The following UVRAG variants were observed in gnomAD, a reference collection of about 807,000 sequenced individuals.
The protein encoded by UVRAG is UV radiation resistance associated.
A neutral mutation model predicts 78.0 loss-of-function variants in UVRAG; 19 were observed. The ratio of observed to expected loss-of-function variants is 0.24; its 90% CI spans 0.17 to 0.36. The LOEUF is 0.36. Ranked by LOEUF, UVRAG falls within the 10% of genes least tolerant of loss-of-function variation. The pLI is 1.00. For missense variants in UVRAG, 740 were observed against 853.8 expected (o/e 0.87, Z 1.66); for synonymous variants, 323 against 324.6 (o/e 1.00, Z 0.05).
At chr11:75,878,919 GA>G (rs1946877804) in intron 3 of UVRAG, among the ~76,000 whole-genome samples, 4 of 89,120 alleles carry the variant, frequency 4.5e-5, no homozygotes, top group African/African-American at 1.1e-4. Context: ...GAGGGGGAGG[GA>G]GAGGGAGAGG....
chr11:75,930,310 T>A (rs1262812744), intron 6 of UVRAG, among the ~76,000 whole-genome samples: 1 of 152,270 alleles, frequency 6.6e-6, no homozygotes, highest in Non-Finnish European at 1.5e-5. Context: ...GAAAGTCTTT[T>A]ATACTTTTTT....
At position 75,974,351 on chromosome 11, in the gene UVRAG, CTTTTTTTTTTTTT is replaced by C. The variant is rs1188190094; in HGVS notation, c.700-9022_700-9010del. 2.7e-4 allele frequency among the ~76,000 whole-genome samples: 23 copies of C among 83,714 alleles called. No individual in the cohort carries two copies. The East Asian group carries it at 7.0e-3, about 25-fold the overall frequency. 54.9% of individuals were successfully genotyped at this position (83,714 alleles called of 152,430 possible). ...TGTCTGTTGGCTGCATAAATGTCTT[CTTTTTTTTTTTTT>C]TTTTTTTTTTTTTGAGACGGAGTCT... On this transcript the variant is annotated intron_variant, in intron 7 of 14. Transcript: ENST00000356136.
At chr11:75,861,899 C>G (rs537787234) in intron 3 of UVRAG, 119 bp downstream of exon 3, 7 of 787,472 alleles carry the variant, frequency 8.9e-6, no homozygotes, top group African/African-American at 1.7e-5. Context: ...AACGGATCTG[C>G]TCAATTGTTA....
chr11:76,004,227 A>T, intron 9 of UVRAG, 138 bp downstream of exon 9: 1 of 760,232 alleles, frequency 1.3e-6, no homozygotes, highest in Non-Finnish European at 2.2e-6. Context: ...TATTCAACAC[A>T]TATTCATTAA....
chr11:75,892,384 G>T (rs1947230588), intron 5 of UVRAG: 1 of 985,404 alleles, frequency 1.0e-6, no homozygotes, highest in East Asian at 1.1e-4. Context: ...TGGGAACATG[G>T]GAATGCAGAG....
At chr11:75,960,724 A>ACCACTGTACTCCAGCCTGGGCGACAG (rs1948894010) in intron 6 of UVRAG, among the ~76,000 whole-genome samples, 2 of 152,130 alleles carry the variant, frequency 1.3e-5, no homozygotes, top group African/African-American at 2.4e-5. Context: ...CCGTGATTGC[A>ACCACTGTACTCCAGCCTGGGCGACAG]CCACTGTACT....
chr11:76,039,917 C>G (rs1262735568), intron 12 of UVRAG, among the ~76,000 whole-genome samples: 1 of 151,994 alleles, frequency 6.6e-6, no homozygotes, highest in Non-Finnish European at 1.5e-5. Flanking sequence ...AGACCTTTAT[C>G]AAAGAAAAAT....
In UVRAG at chr11:75,839,847, C is replaced by CCA. The variant is rs1945870119; in HGVS notation, c.118-12031_118-12030dup. Among the ~76,000 whole-genome samples the CCA allele has an allele frequency of 6.5e-5, 9 of 138,302 alleles. No homozygotes were observed. In the South Asian group the frequency reaches 1.1e-3, roughly 17 times the overall value. 90.7% of individuals were successfully genotyped at this position (138,302 alleles called of 152,430 possible). A position where few individuals can be genotyped will look rare whatever the true frequency, so the allele number is the denominator to read the frequency against. On this transcript the variant is annotated intron_variant, in intron 1 of 14. Coordinates refer to ENST00000356136, the MANE Select transcript of UVRAG (RefSeq NM_003369.4). ...TGTGTATATATATATATACACACCCCCACACATATATATATAGAGAGAGAG... is the reference window on the plus strand; with the variant it reads ...TGTGTATATATATATATACACACCCCCACACACATATATATATAGAGAGAGAG...
chr11:76,064,833 A>C (rs955714078), intron 12 of UVRAG, among the ~76,000 whole-genome samples: 1 of 152,212 alleles, frequency 6.6e-6, no homozygotes, highest in Non-Finnish European at 1.5e-5. Flanking sequence ...AGATTATTTT[A>C]TTCTTGAGAA....
chr11:75,876,831 GTTTTTTTTTTATTTTTTATT>G (rs1211661520), intron 3 of UVRAG, among the ~76,000 whole-genome samples: 15 of 148,850 alleles, frequency 1.0e-4, no homozygotes, highest in Admixed American at 1.0e-3. Flanking sequence ...AAGCCCTTAT[GTTTTTTTTTTATTTTTTATT>G]TTTTATTTTT....
chr11:76,044,329 A>C (rs1591170138), intron 12 of UVRAG, among the ~76,000 whole-genome samples: 2 of 152,250 alleles, frequency 1.3e-5, no homozygotes, highest in Non-Finnish European at 2.9e-5. Flanking sequence ...AGAATTAACC[A>C]GTACATATAA....
At chr11:75,826,663 G>A in intron 1 of UVRAG, among the ~76,000 whole-genome samples, 1 of 144,884 alleles carries the variant, frequency 6.9e-6, no homozygotes, top group East Asian at 2.0e-4. Context: ...CAGTCTTCCT[G>A]TTTTGTCCCT....
At chr11:75,976,571 C>G (rs1344169410) in intron 7 of UVRAG, among the ~76,000 whole-genome samples, 1 of 152,138 alleles carries the variant, frequency 6.6e-6, no homozygotes, top group African/African-American at 2.4e-5. Context: ...TTCAGCGATT[C>G]AGCTTCTTCC....
At chr11:75,985,537 C>G (rs369397498) in intron 8 of UVRAG, among the ~76,000 whole-genome samples, 1 of 152,008 alleles carries the variant, frequency 6.6e-6, no homozygotes, top group African/African-American at 2.4e-5. Context: ...TTTAAATGAA[C>G]AGAAGTTCCA....
intron 13 of UVRAG, among the ~76,000 whole-genome samples, chr11:76,085,250 G>A (rs985261892): frequency 6.6e-6 from 1 of 152,064 alleles, no homozygotes; most frequent in East Asian, 1.9e-4. Flanking sequence ...AGGAACTATA[G>A]CAACATCATG....
At chr11:76,084,240 C>T (rs753860524) in intron 13 of UVRAG, among the ~76,000 whole-genome samples, 11 of 152,152 alleles carry the variant, frequency 7.2e-5, no homozygotes, top group Non-Finnish European at 1.5e-4. Context: ...TATTAAGATA[C>T]CCATTAAATT....
intron 12 of UVRAG, among the ~76,000 whole-genome samples, chr11:76,029,212 G>GA (rs1200934370): frequency 6.6e-6 from 1 of 152,100 alleles, no homozygotes; most frequent in Non-Finnish European, 1.5e-5. Context: ...CTACGGCTCA[G>GA]AAAAAAATAT....
At chr11:75,839,536 T>A (rs747148740) in intron 1 of UVRAG, among the ~76,000 whole-genome samples, 15 of 152,028 alleles carry the variant, frequency 9.9e-5, no homozygotes, top group Non-Finnish European at 2.2e-4. Flanking sequence ...ATTAGTTCTC[T>A]TTTCCCTAGA....
At chr11:75,817,889 C>CA (rs1370583103) in intron 1 of UVRAG, among the ~76,000 whole-genome samples, 4 of 87,466 alleles carry the variant, frequency 4.6e-5, no homozygotes, top group Non-Finnish European at 7.2e-5. Context: ...ACTAAAAGTA[C>CA]AAAAAAAAGA....
Sources: allele counts gnomAD v4.1 joint callset (sites outside exome capture counted in the v4.1 genomes callset), GRCh38; gene constraint gnomAD v4.1.1; transcripts MANE v1.5; gene names NCBI Gene and HGNC (gene_info 2026-07-23, HGNC 2026-07-21).